The following SLC25A21 variants were observed in gnomAD, a reference collection of about 807,000 sequenced individuals.
SLC25A21 encodes the protein mitochondrial 2-oxodicarboxylate carrier.
Under a neutral mutation model 43.8 loss-of-function variants are expected in SLC25A21, and 47 were observed. The ratio of observed to expected loss-of-function variants is 1.07; its 90% CI spans 0.85 to 1.37. The LOEUF is 1.37. Ranked by LOEUF, SLC25A21 falls within the 40% of genes most tolerant of loss-of-function variation. SLC25A21 has a pLI of 0.00. For synonymous variants in SLC25A21, 131 were observed against 121.3 expected (o/e 1.08, Z -0.52); for missense variants, 352 against 350.2 (o/e 1.00, Z -0.04).
chr14:36,734,376 TTATGC>T (rs1566552394), intron 4 of SLC25A21, 126 bp downstream of exon 4: 5 of 579,034 alleles, frequency 8.6e-6, no homozygotes, highest in African/African-American at 1.9e-5. Context: ...ATAATAAAAA[TTATGC>T]TATAATTTCT....
chr14:36,744,003 A>T (rs1327615445), intron 3 of SLC25A21, among the ~76,000 whole-genome samples: 1 of 152,122 alleles, frequency 6.6e-6, no homozygotes, highest in Non-Finnish European at 1.5e-5. Context: ...TACTTTGACA[A>T]GGAGAATTGC....
chr14:37,028,704 C>T (rs1485852504), intron 1 of SLC25A21, among the ~76,000 whole-genome samples: 2 of 152,060 alleles, frequency 1.3e-5, no homozygotes, highest in Admixed American at 1.3e-4. Flanking sequence ...TATAGGATAA[C>T]GTTTCTTCAA....
At chr14:37,027,907 G>A (rs891748666) in intron 1 of SLC25A21, among the ~76,000 whole-genome samples, 17 of 152,024 alleles carry the variant, frequency 1.1e-4, no homozygotes, top group Non-Finnish European at 2.2e-4. Flanking sequence ...CTCTAGAAAC[G>A]TAATCTTCTA....
chr14:36,809,181 G>A (rs947922837), intron 3 of SLC25A21: 2 of 152,248 alleles, frequency 1.3e-5, no homozygotes, highest in East Asian at 3.9e-4. Flanking sequence ...GTATCTTTAT[G>A]TCTTCTGGGC....
intron 1 of SLC25A21, among the ~76,000 whole-genome samples, chr14:37,036,977 G>A (rs533646536): frequency 6.6e-6 from 1 of 152,240 alleles, no homozygotes; most frequent in South Asian, 2.1e-4. Flanking sequence ...GGTTACAGGT[G>A]GCCTGGAAAG....
intron 1 of SLC25A21, among the ~76,000 whole-genome samples, chr14:37,144,376 T>A (rs923724641): frequency 2.0e-5 from 3 of 152,236 alleles, no homozygotes; most frequent in Non-Finnish European, 2.9e-5. Context: ...ATAGAATACC[T>A]ACACACATAT....
At chr14:36,961,492 C>T (rs1297078210) in intron 1 of SLC25A21, among the ~76,000 whole-genome samples, 2 of 152,114 alleles carry the variant, frequency 1.3e-5, no homozygotes, top group Non-Finnish European at 2.9e-5. Context: ...AGAAAGTGAC[C>T]ACTATTATAC....
chr14:36,920,083 C>T (rs1289468745), intron 1 of SLC25A21, among the ~76,000 whole-genome samples: 1 of 152,030 alleles, frequency 6.6e-6, no homozygotes, highest in Non-Finnish European at 1.5e-5. Context: ...TGAAGTTTTT[C>T]TGTATCAAGG....
At position 36,991,585 on chromosome 14, in the gene SLC25A21, G is replaced by A. The variant is rs114992538; in HGVS notation, c.71-116581C>T. On this transcript the variant is annotated intron_variant, in intron 1 of 9. Transcript: ENST00000331299. ...AAGCATTCACAAGAACCTGAGAAGG[G>A]AGGTAATATTATTATTTCCATGTTA... Among the ~76,000 whole-genome samples, 289 of 152,284 alleles carry A rather than the reference G, an allele frequency of 1.9e-3. 2 individuals are homozygous for A. Among genetic ancestry groups the A allele is most frequent in the African/African-American group, 6.6e-3 (273 of 41,558 alleles).
intron 6 of SLC25A21, among the ~76,000 whole-genome samples, chr14:36,716,362 G>C (rs760690212): frequency 5.9e-5 from 9 of 152,128 alleles, no homozygotes; most frequent in African/African-American, 2.4e-5. Context: ...TAATAAAATT[G>C]TGTTGTACTG....
chr14:37,107,621 AT>A (rs1962940193), intron 1 of SLC25A21, among the ~76,000 whole-genome samples: 1 of 152,144 alleles, frequency 6.6e-6, no homozygotes, highest in Non-Finnish European at 1.5e-5. Flanking sequence ...CATTTTACTC[AT>A]TCAATCCATA....
rs906720677 is a variant in SLC25A21 at position 36,679,114 on chromosome 14, T to C, written c.*1544A>G. The C allele has an allele frequency of 1.4e-5, 14 of 985,306 alleles. No homozygotes were observed. The highest frequency in any genetic ancestry group is 1.1e-4 in the East Asian group (1 of 8,822). 61.0% of individuals were successfully genotyped at this position (985,306 alleles called of 1,614,324 possible). A position where few individuals can be genotyped will look rare whatever the true frequency, so the allele number is the denominator to read the frequency against. On this transcript the variant is annotated 3_prime_UTR_variant, in exon 10 of 10. Coordinates refer to ENST00000331299, the MANE Select transcript of SLC25A21 (RefSeq NM_030631.4). Reference sequence around the variant, plus strand: ...GACCTCTATGCAGGCAGCGCTCTCATTGGATGTAAGAATATTACCTGCAAG... The same window carrying C: ...GACCTCTATGCAGGCAGCGCTCTCACTGGATGTAAGAATATTACCTGCAAG...
At chr14:36,965,223 G>A (rs1959585583) in intron 1 of SLC25A21, among the ~76,000 whole-genome samples, 1 of 152,080 alleles carries the variant, frequency 6.6e-6, no homozygotes, top group African/African-American at 2.4e-5. Context: ...TATGCTTTAA[G>A]CAAACAACAT....
intron 1 of SLC25A21, among the ~76,000 whole-genome samples, chr14:37,126,594 T>C (rs754778656): frequency 2.6e-5 from 4 of 152,118 alleles, no homozygotes; most frequent in Non-Finnish European, 4.4e-5. Flanking sequence ...TTTTGCATAA[T>C]TATATAATAC....
intron 5 of SLC25A21, among the ~76,000 whole-genome samples, chr14:36,725,989 T>C (rs558722150): frequency 6.6e-6 from 1 of 152,354 alleles, no homozygotes; most frequent in African/African-American, 2.4e-5. Flanking sequence ...TATTAAAACA[T>C]CTGCACAGAT....
intron 2 of SLC25A21, among the ~76,000 whole-genome samples, chr14:36,858,621 TGA>T (rs1460974114): frequency 6.6e-6 from 1 of 152,158 alleles, no homozygotes; most frequent in African/African-American, 2.4e-5. Context: ...GCTCATTTCC[TGA>T]GAGTTATGTT....
chr14:36,682,602 G>C (rs573098739), intron 9 of SLC25A21, among the ~76,000 whole-genome samples: 2 of 152,166 alleles, frequency 1.3e-5, no homozygotes, highest in Non-Finnish European at 2.9e-5. Flanking sequence ...TTGAGGGCTG[G>C]TGCTGTGATT....
intron 3 of SLC25A21, among the ~76,000 whole-genome samples, chr14:36,736,097 G>A (rs1027639385): frequency 4.0e-5 from 6 of 151,512 alleles, no homozygotes; most frequent in African/African-American, 7.3e-5. Context: ...CACCACGCCC[G>A]GCTAATTTTT....
intron 1 of SLC25A21, among the ~76,000 whole-genome samples, chr14:37,072,614 G>T (rs1324536409): frequency 6.6e-6 from 1 of 152,158 alleles, no homozygotes; most frequent in East Asian, 1.9e-4. Flanking sequence ...GGGCGTGGTG[G>T]TGCACACCTC....
Sources: gnomAD v4.1 joint callset for allele counts (sites outside exome capture counted in the v4.1 genomes callset) on GRCh38, gnomAD v4.1.1 for gene constraint, MANE v1.5 for transcripts, NCBI Gene and HGNC (gene_info 2026-07-23, HGNC 2026-07-21) for gene names.